CCDC171: variants seen among roughly 807,000 people sequenced by gnomAD.
CCDC171 encodes the protein coiled-coil domain-containing protein 171.
CCDC171 carries 177 observed loss-of-function variants against 168.2 expected under a neutral mutation model. The ratio of observed to expected loss-of-function variants is 1.05; its 90% CI spans 0.93 to 1.19. The LOEUF is 1.19. CCDC171 is among the 50% of genes most tolerant of loss of function. The pLI is 0.00. For missense variants in CCDC171, 1,991 were observed against 1,539.0 expected, an observed-to-expected ratio of 1.29 and a Z score of -4.91; for synonymous variants, 687 against 540.8, an observed-to-expected ratio of 1.27 and a Z score of -3.75.
chr9:15,712,313 C>G (rs2052729568), intron 11 of CCDC171, among the ~76,000 whole-genome samples: 2 of 152,224 alleles, frequency 1.3e-5, no homozygotes, highest in East Asian at 1.9e-4. Flanking sequence ...ATCACATCCC[C>G]TTTTCTCCTT....
At chr9:16,034,261 T>C (rs1211171662) in intron 6 of CCDC171, among the ~76,000 whole-genome samples, 1 of 152,196 alleles carries the variant, frequency 6.6e-6, no homozygotes, top group African/African-American at 2.4e-5. Flanking sequence ...GTTCCCACCA[T>C]TGGCGTCTAT....
At chr9:15,904,627 A>C (rs535456861) in intron 24 of CCDC171, among the ~76,000 whole-genome samples, 49 of 152,324 alleles carry the variant, frequency 3.2e-4, no homozygotes, top group African/African-American at 1.2e-3. Flanking sequence ...CGAGCAAAAT[A>C]ACCAGCTAAC....
intron 7 of CCDC171, among the ~76,000 whole-genome samples, chr9:15,628,333 C>T (rs1285744333): frequency 3.3e-5 from 5 of 152,146 alleles, no homozygotes; most frequent in Non-Finnish European, 7.4e-5. Flanking sequence ...CCCAATACTG[C>T]GCTTTTCCGA....
the CCDC171 span, among the ~76,000 whole-genome samples, chr9:16,107,623 A>C: frequency 6.6e-6 from 1 of 152,198 alleles, no homozygotes; most frequent in East Asian, 1.9e-4. Context: ...ACACATATGT[A>C]AACAATATAT....
rs535810508 is a variant in CCDC171, at chr9:16,009,310, C to T, written n.369-11279C>T. Among the ~76,000 whole-genome samples, 32 of 152,260 alleles carry T rather than the reference C, an allele frequency of 2.1e-4. No individual in the cohort carries two copies. In the South Asian group the frequency reaches 6.6e-3, roughly 32 times the overall value. On this transcript the variant is annotated intron_variant and non_coding_transcript_variant, in intron 3 of 9. Coordinates refer to the CCDC171 transcript ENST00000486641. ...TTGAAATAACAGATACTCACCTTTC[C>T]ATCTGCATTCCTGATATCAAAGTAG...
chr9:16,017,583 T>G (rs1435338470), intron 3 of CCDC171, among the ~76,000 whole-genome samples: 1 of 152,174 alleles, frequency 6.6e-6, no homozygotes, highest in Non-Finnish European at 1.5e-5. Context: ...ACCTCATCAC[T>G]TACCAAAAAG....
intron 6 of CCDC171, among the ~76,000 whole-genome samples, chr9:15,619,548 AG>A (rs1320994968): frequency 6.6e-6 from 1 of 152,208 alleles, no homozygotes; most frequent in Non-Finnish European, 1.5e-5. Context: ...AATTTGGAGA[AG>A]AAAAGTTGGA....
chr9:15,823,925 C>G (rs1588699194), intron 21 of CCDC171, among the ~76,000 whole-genome samples: 1 of 152,040 alleles, frequency 6.6e-6, no homozygotes, highest in Non-Finnish European at 1.5e-5. Flanking sequence ...TTAGAATAGA[C>G]ATTGGTAGAC....
intron 24 of CCDC171, among the ~76,000 whole-genome samples, chr9:15,904,324 T>A (rs1457306070): frequency 6.6e-6 from 1 of 152,124 alleles, no homozygotes; most frequent in African/African-American, 2.4e-5. Flanking sequence ...TAACAGTGGA[T>A]CTCTCGGCAG....
At chr9:16,070,366 C>A in the CCDC171 span, among the ~76,000 whole-genome samples, 6 of 152,130 alleles carry the variant, frequency 3.9e-5, no homozygotes, top group Non-Finnish European at 7.4e-5. Context: ...GGAAAAAGTA[C>A]CTGCTGGGAA....
chr9:15,610,335 G>A (rs2043558520), intron 6 of CCDC171, among the ~76,000 whole-genome samples: 1 of 149,818 alleles, frequency 6.7e-6, no homozygotes, highest in African/African-American at 2.5e-5. Context: ...GGCTGGGCGC[G>A]ATGGCTCATG....
chr9:15,927,460 A>C (rs1297454848), intron 25 of CCDC171, among the ~76,000 whole-genome samples: 2 of 151,646 alleles, frequency 1.3e-5, no homozygotes, highest in Non-Finnish European at 3.0e-5. Context: ...CCAAACCCAA[A>C]TACTTTGCTG....
At chr9:15,655,297 C>A (rs2047841763) in intron 7 of CCDC171, among the ~76,000 whole-genome samples, 1 of 151,846 alleles carries the variant, frequency 6.6e-6, no homozygotes, top group African/African-American at 2.4e-5. Flanking sequence ...TTTTTCTGTC[C>A]CTATTGAACT....
intron 25 of CCDC171, among the ~76,000 whole-genome samples, chr9:15,936,473 C>A (rs1827134397): frequency 6.6e-6 from 1 of 151,940 alleles, no homozygotes; most frequent in Admixed American, 6.6e-5. Flanking sequence ...TTGGCAGAGA[C>A]CCTTCATCTC....
intron 11 of CCDC171, among the ~76,000 whole-genome samples, chr9:15,696,561 C>T (rs969048936): frequency 1.2e-4 from 18 of 152,100 alleles, no homozygotes; most frequent in African/African-American, 4.1e-4. Context: ...TTTTCCTTTG[C>T]ACTGGTACTT....
chr9:16,017,964 G>A (rs1332347904), intron 3 of CCDC171, among the ~76,000 whole-genome samples: 1 of 152,190 alleles, frequency 6.6e-6, no homozygotes, highest in Non-Finnish European at 1.5e-5. Context: ...AGCAATTGCT[G>A]GTGGAAATGA....
chr9:15,674,699 G>C (rs1021010516), intron 9 of CCDC171, among the ~76,000 whole-genome samples: 3 of 152,164 alleles, frequency 2.0e-5, no homozygotes, highest in African/African-American at 7.2e-5. Context: ...CTGAGTTCTA[G>C]TTTGATTGCA....
intron 23 of CCDC171, among the ~76,000 whole-genome samples, chr9:15,853,236 ATCT>A (rs904968057): frequency 4.6e-5 from 7 of 151,624 alleles, no homozygotes; most frequent in African/African-American, 1.2e-4. Flanking sequence ...ACTTATTTAG[ATCT>A]TCTTTAATTT....
chr9:16,090,161 G>A, the CCDC171 span, among the ~76,000 whole-genome samples: 2 of 152,128 alleles, frequency 1.3e-5, no homozygotes, highest in Non-Finnish European at 2.9e-5. Flanking sequence ...CAACGATTTG[G>A]AACTAACCCA....
Sources: gnomAD v4.1 joint callset for allele counts (sites outside exome capture counted in the v4.1 genomes callset) on GRCh38, gnomAD v4.1.1 for gene constraint, MANE v1.5 for transcripts, NCBI Gene and HGNC (gene_info 2026-07-23, HGNC 2026-07-21) for gene names.